XIAP: variants seen among roughly 807,000 people sequenced by gnomAD.
XIAP encodes the protein X-linked inhibitor of apoptosis.
A neutral mutation model predicts 33.1 loss-of-function variants in XIAP; 3 were observed. The ratio of observed to expected loss-of-function variants is 0.09; its 90% CI spans 0.04 to 0.23. The LOEUF is 0.23. XIAP is among the 10% of genes least tolerant of loss of function. The pLI is 1.00. For missense variants in XIAP, 264 were observed against 363.0 expected (o/e 0.73, Z 2.22); for synonymous variants, 98 against 121.3 (o/e 0.81, Z 1.26).
At chrX:123,870,033 C>T (rs964298601) in intron 1 of XIAP, among the ~76,000 whole-genome samples, 9 of 112,522 alleles carry the variant, frequency 8.0e-5, no homozygotes. Context: ...AATCTCAGCT[C>T]ACTGCAACCT....
In XIAP at chrX:123,891,823, T is replaced by TAA. The variant is rs11325824; in HGVS notation, c.1056+527_1056+528dup. ...AGTGAGAAAGGGAAACCCTATCTCT[T>TAA]AAAAAAAAAAAAAAAAAAAAAGAGA... On this transcript the variant is annotated intron_variant, in intron 4 of 6. Coordinates refer to ENST00000371199, the MANE Select transcript of XIAP (RefSeq NM_001167.4). 7.9e-3 allele frequency among the ~76,000 whole-genome samples: 603 copies of TAA among 76,464 alleles called. 5 individuals are homozygous for TAA. Among genetic ancestry groups the TAA allele is most frequent in the Non-Finnish European group, 0.012 (476 of 41,324 alleles). 66.4% of individuals were successfully genotyped at this position (76,464 alleles called of 115,157 possible). A position where few individuals can be genotyped will look rare whatever the true frequency, so the allele number is the denominator to read the frequency against.
intron 1 of XIAP, 61 bp from the exon 2 acceptor site, chrX:123,885,570 A>G: frequency 9.9e-7 from 1 of 1,006,217 alleles, no homozygotes; most frequent in South Asian, 2.1e-5. Context: ...AGCTCCTATA[A>G]CAAAAGTCTG....
intron 1 of XIAP, chrX:123,879,071 A>C (rs1020993504): frequency 9.0e-6 from 1 of 111,689 alleles, no homozygotes; most frequent in Non-Finnish European, 1.9e-5. Context: ...CATCATTAAC[A>C]GTTCATAGTT....
intron 4 of XIAP, among the ~76,000 whole-genome samples, chrX:123,892,464 G>C (rs894625448): frequency 2.0e-4 from 22 of 111,383 alleles, no homozygotes; most frequent in Admixed American, 9.6e-5. Flanking sequence ...ACTAAAATGG[G>C]AGACTAGAGT....
intron 5 of XIAP, among the ~76,000 whole-genome samples, chrX:123,899,157 A>ATGATTT (rs1377424233): frequency 2.6e-5 from 1 of 38,379 alleles, no homozygotes; most frequent in Admixed American, 3.4e-4. Context: ...ATATATATAT[A>ATGATTT]TATATATATG....
upstream of XIAP, chrX:123,859,738 G>A (rs996449866): frequency 9.9e-6 from 2 of 201,207 alleles, no homozygotes; most frequent in Non-Finnish European, 9.0e-6. Context: ...GCGCGCGCTA[G>A]GTCAGCTTCT....
chrX:123,860,824 G>C (rs868470262), intron 1 of XIAP, among the ~76,000 whole-genome samples: 8 of 111,373 alleles, frequency 7.2e-5, no homozygotes, highest in South Asian at 3.7e-4. Context: ...TTTTCTTTTC[G>C]GGGAGGGGAG....
At chrX:123,890,039 C>T (rs2053391086) in intron 3 of XIAP, among the ~76,000 whole-genome samples, 1 of 50,328 alleles carries the variant, frequency 2.0e-5, no homozygotes, top group Non-Finnish European at 3.3e-5. Context: ...TTTTTTGAGA[C>T]GGAGTCTCGC....
chrX:123,897,208 G>A (rs368260298), intron 5 of XIAP, among the ~76,000 whole-genome samples: 3 of 111,794 alleles, frequency 2.7e-5, no homozygotes, highest in African/African-American at 9.8e-5. Context: ...GATTACAGGC[G>A]TGAGCCACCG....
chrX:123,874,915 G>T, intron 1 of XIAP, among the ~76,000 whole-genome samples: 1 of 75,798 alleles, frequency 1.3e-5, no homozygotes, highest in Non-Finnish European at 2.3e-5. Flanking sequence ...GTTTTGCCAT[G>T]TTGGCCAGGC....
chrX:123,891,838 A>C (rs2053411240), intron 4 of XIAP, among the ~76,000 whole-genome samples: 1 of 108,725 alleles, frequency 9.2e-6, no homozygotes, highest in Non-Finnish European at 1.9e-5. Flanking sequence ...AAAAAAAAAA[A>C]AAAAAAGAGA....
chrX:123,869,386 C>CAAAAAAAAAA (rs2053173664), intron 1 of XIAP, among the ~76,000 whole-genome samples: 1 of 52,024 alleles, frequency 1.9e-5, no homozygotes, highest in Non-Finnish European at 3.8e-5. Context: ...AAAAAAAAAG[C>CAAAAAAAAAA]TGGGTCATGC....
rs777796352 is a variant in XIAP, at chrX:123,862,259, G to A, written c.-33+1966G>A. 5.5e-5 allele frequency among the ~76,000 whole-genome samples: 6 copies of A among 108,551 alleles called. No homozygotes were observed. The East Asian group carries it at 8.8e-4, about 16-fold the overall frequency. 94.3% of individuals were successfully genotyped at this position (108,551 alleles called of 115,157 possible). On this transcript the variant is annotated intron_variant, in intron 1 of 6. Coordinates refer to ENST00000371199, the MANE Select transcript of XIAP (RefSeq NM_001167.4). Reference sequence around the variant, plus strand: ...AATTTTTGTATTTTTAGTAGACACCGGGTTTCCCCATGTTGGCCAGGCTGA... The same window carrying A: ...AATTTTTGTATTTTTAGTAGACACCAGGTTTCCCCATGTTGGCCAGGCTGA...
chrX:123,912,043 C>T lies in XIAP; in HGVS notation c.*4862C>T, dbSNP rs1207632610. On this transcript the variant is annotated 3_prime_UTR_variant, in exon 7 of 7. Transcript: ENST00000371199. ...ACCAAGCTACCTTTCTTGAAAGGTCCAAATGTTTATGTTTTCAACTACTCT... is the reference window on the plus strand; with the variant it reads ...ACCAAGCTACCTTTCTTGAAAGGTCTAAATGTTTATGTTTTCAACTACTCT... 3.0e-6 allele frequency: 1 copy of T among 328,246 alleles called. No individual in the cohort carries two copies. Among genetic ancestry groups the T allele is most frequent in the Admixed American group, 3.1e-5 (1 of 32,091 alleles). 27.1% of individuals were successfully genotyped at this position (328,246 alleles called of 1,213,427 possible). A position where few individuals can be genotyped will look rare whatever the true frequency, so the allele number is the denominator to read the frequency against.
chrX:123,866,460 A>C (rs1287721836), intron 1 of XIAP, among the ~76,000 whole-genome samples: 1 of 98,542 alleles, frequency 1.0e-5, no homozygotes, highest in Non-Finnish European at 2.0e-5. Context: ...TATATGATAT[A>C]AATTATATTA....
rs1399278450 is a variant in XIAP, at chrX:123,912,071, C to T, written c.*4890C>T. The T allele has an allele frequency of 1.8e-5, 6 of 326,261 alleles. No homozygotes were observed. The highest frequency in any genetic ancestry group is 1.6e-4 in the African/African-American group (6 of 37,292). 26.9% of individuals were successfully genotyped at this position (326,261 alleles called of 1,213,427 possible). ...ATGTTTATGTTTTCAACTACTCTTT[C>T]CACTGTACCATAACTTTCACTACAT... On this transcript the variant is annotated 3_prime_UTR_variant, in exon 7 of 7. Coordinates refer to ENST00000371199, the MANE Select transcript of XIAP (RefSeq NM_001167.4).
rs1491462505 is a variant in XIAP, at chrX:123,891,325, CAT to C, written c.1056+13_1056+14del. ...CACTTGAGGAGTGTCTGGTAAGTCTCATATAATTTATATTTTCAAATTCACAT... is the reference window on the plus strand; with the variant it reads ...CACTTGAGGAGTGTCTGGTAAGTCTCATAATTTATATTTTCAAATTCACAT... On this transcript the variant is annotated intron_variant, in intron 4 of 6. Coordinates refer to ENST00000371199, the MANE Select transcript of XIAP (RefSeq NM_001167.4). The C allele has an allele frequency of 4.5e-5, 40 of 896,192 alleles. No individual in the cohort carries two copies. In the African/African-American group the frequency reaches 4.7e-4, roughly 11 times the overall value. The allele number at this position is 896,192 out of a possible 1,213,427, so 73.9% of individuals were successfully genotyped here. A position where few individuals can be genotyped will look rare whatever the true frequency, so the allele number is the denominator to read the frequency against.
intron 1 of XIAP, among the ~76,000 whole-genome samples, chrX:123,866,559 A>T (rs1260584852): frequency 1.0e-5 from 1 of 99,808 alleles, no homozygotes; most frequent in African/African-American, 3.6e-5. Flanking sequence ...ATAATGTATG[A>T]TATATATAAT....
At chrX:123,870,380 C>T (rs751372226) in intron 1 of XIAP, among the ~76,000 whole-genome samples, 5 of 112,029 alleles carry the variant, frequency 4.5e-5, no homozygotes, top group Middle Eastern at 4.2e-3. Context: ...TGGGTACATG[C>T]GGACACTCAT....
Sources: gnomAD v4.1 joint callset for allele counts (sites outside exome capture counted in the v4.1 genomes callset) on GRCh38, gnomAD v4.1.1 for gene constraint, MANE v1.5 for transcripts, NCBI Gene and HGNC (gene_info 2026-07-23, HGNC 2026-07-21) for gene names.